FAF1: variants seen among roughly 807,000 people sequenced by gnomAD.
The protein encoded by FAF1 is FAS-associated factor 1.
In FAF1, 25 loss-of-function variants were observed where a neutral mutation model predicts 92.5. The ratio of observed to expected loss-of-function variants is 0.27; its 90% CI spans 0.20 to 0.38. The LOEUF (loss-of-function observed/expected upper bound fraction) is 0.38, where lower values mean the gene tolerates loss of function less well. FAF1 is among the 10% of genes least tolerant of loss of function. FAF1 has a pLI of 1.00. For missense variants in FAF1, 636 were observed against 793.3 expected (o/e 0.80, Z 2.38); for synonymous variants, 234 against 273.2 (o/e 0.86, Z 1.42).
intron 1 of FAF1, among the ~76,000 whole-genome samples, chr1:50,912,804 A>G (rs1383479424): frequency 1.3e-5 from 2 of 152,218 alleles, no homozygotes; most frequent in Non-Finnish European, 2.9e-5. Context: ...TTGCTTACCC[A>G]TTCTCAGTTT....
chr1:50,734,684 A>C (rs1000844821), intron 6 of FAF1, among the ~76,000 whole-genome samples: 1 of 151,646 alleles, frequency 6.6e-6, no homozygotes, highest in Non-Finnish European at 1.5e-5. Context: ...CATTGAGCCG[A>C]GATCACGCCA....
At chr1:50,443,053 CAACA>C (rs1343878757) in intron 18 of FAF1, among the ~76,000 whole-genome samples, 11 of 152,200 alleles carry the variant, frequency 7.2e-5, no homozygotes, top group Admixed American at 3.3e-4. Context: ...TGGCTTCTGT[CAACA>C]AACAGAGCTA....
intron 6 of FAF1, among the ~76,000 whole-genome samples, chr1:50,719,723 T>A (rs1412738200): frequency 6.6e-6 from 1 of 152,220 alleles, no homozygotes; most frequent in African/African-American, 2.4e-5. Context: ...TATAGACATA[T>A]CAATTTTTGT....
chr1:50,823,869 A>G (rs548531163), intron 2 of FAF1, among the ~76,000 whole-genome samples: 11 of 152,324 alleles, frequency 7.2e-5, no homozygotes, highest in African/African-American at 2.4e-4. Context: ...TTAATGATCA[A>G]TTGAAAGGGT....
chr1:50,910,804 G>A (rs1347586519), intron 1 of FAF1, among the ~76,000 whole-genome samples: 2 of 151,978 alleles, frequency 1.3e-5, no homozygotes, highest in South Asian at 4.2e-4. Flanking sequence ...GCTAGGAAAG[G>A]AAATTCCCCA....
chr1:50,661,255 C>G (rs1214111935), intron 7 of FAF1, among the ~76,000 whole-genome samples: 1 of 152,248 alleles, frequency 6.6e-6, no homozygotes, highest in Admixed American at 6.5e-5. Flanking sequence ...GAAAACTATT[C>G]TATCAATCTA....
At chr1:50,793,885 G>A (rs923683318) in intron 3 of FAF1, among the ~76,000 whole-genome samples, 1 of 152,202 alleles carries the variant, frequency 6.6e-6, no homozygotes, top group Non-Finnish European at 1.5e-5. Context: ...TCTGAAATCT[G>A]AAATGTTCCA....
At chr1:50,498,346 TTAG>T (rs1248092913) in intron 15 of FAF1, among the ~76,000 whole-genome samples, 5 of 152,122 alleles carry the variant, frequency 3.3e-5, no homozygotes, top group Non-Finnish European at 7.4e-5. Context: ...TGACCATGGA[TTAG>T]GCAATGATTT....
At chr1:50,935,331 A>G (rs1221223472) in intron 1 of FAF1, among the ~76,000 whole-genome samples, 2 of 152,184 alleles carry the variant, frequency 1.3e-5, no homozygotes, top group African/African-American at 4.8e-5. Flanking sequence ...AGTTCATGCC[A>G]AAATATTTTT....
chr1:50,621,406 T>C (rs1409630408), intron 8 of FAF1, among the ~76,000 whole-genome samples: 3 of 137,688 alleles, frequency 2.2e-5, no homozygotes, highest in South Asian at 2.5e-4. Context: ...TTTTTTTTTT[T>C]TTTTTTTTTT....
intron 1 of FAF1, among the ~76,000 whole-genome samples, chr1:50,952,626 C>T (rs1317441901): frequency 1.3e-5 from 2 of 151,860 alleles, no homozygotes; most frequent in East Asian, 1.9e-4. Context: ...AAGTGAGGAG[C>T]GCCTCTTCCC....
At chr1:50,675,024 G>A (rs906303631) in intron 7 of FAF1, among the ~76,000 whole-genome samples, 17 of 152,104 alleles carry the variant, frequency 1.1e-4, no homozygotes, top group African/African-American at 3.4e-4. Flanking sequence ...CCAAGTAGCA[G>A]GGATTACAAG....
intron 8 of FAF1, among the ~76,000 whole-genome samples, chr1:50,635,213 A>G (rs1353836997): frequency 6.6e-6 from 1 of 152,256 alleles, no homozygotes; most frequent in Non-Finnish European, 1.5e-5. Flanking sequence ...CTTATGTTCA[A>G]AGACATACTG....
intron 2 of FAF1, among the ~76,000 whole-genome samples, chr1:50,809,986 T>G (rs1662355672): frequency 6.6e-6 from 1 of 152,240 alleles, no homozygotes; most frequent in Non-Finnish European, 1.5e-5. Context: ...CTTGGCGCAG[T>G]GGCTCATGCC....
At chr1:50,868,521 C>A (rs141076383) in intron 1 of FAF1, among the ~76,000 whole-genome samples, 5 of 152,062 alleles carry the variant, frequency 3.3e-5, no homozygotes, top group Non-Finnish European at 7.4e-5. Flanking sequence ...TCCCTTCTTC[C>A]CTTCTAATGT....
At chr1:50,485,685 A>C (rs1255714429) in intron 17 of FAF1, among the ~76,000 whole-genome samples, 1 of 150,116 alleles carries the variant, frequency 6.7e-6, no homozygotes, top group Non-Finnish European at 1.5e-5. Flanking sequence ...AAAAAAAAAA[A>C]AAAAAAAAAA....
intron 8 of FAF1, among the ~76,000 whole-genome samples, chr1:50,650,225 G>A (rs1426010606): frequency 4.7e-5 from 7 of 150,150 alleles, no homozygotes; most frequent in Non-Finnish European, 7.4e-5. Flanking sequence ...CAGAGGCTGC[G>A]GTGAGCCGGG....
intron 1 of FAF1, among the ~76,000 whole-genome samples, chr1:50,955,357 C>T (rs914586141): frequency 1.3e-4 from 20 of 152,282 alleles, no homozygotes; most frequent in African/African-American, 4.8e-4. Context: ...TCCTTTACAC[C>T]CCCTCCTGGC....
intron 15 of FAF1, among the ~76,000 whole-genome samples, chr1:50,505,815 T>A (rs572314491): frequency 6.6e-6 from 1 of 152,310 alleles, no homozygotes; most frequent in South Asian, 2.1e-4. Context: ...AATATAAATG[T>A]TGGTTTCAGC....
Sources: allele counts gnomAD v4.1 joint callset (sites outside exome capture counted in the v4.1 genomes callset), GRCh38; gene constraint gnomAD v4.1.1; transcripts MANE v1.5; gene names NCBI Gene and HGNC (gene_info 2026-07-23, HGNC 2026-07-21).